Variants in LHPP observed in about 807,000 individuals in gnomAD.
The protein encoded by LHPP is phospholysine phosphohistidine inorganic pyrophosphate phosphatase.
Under a neutral mutation model 30.3 loss-of-function variants are expected in LHPP, and 24 were observed. That is an observed-to-expected ratio of 0.79 (90% CI 0.57 to 1.11). The LOEUF (loss-of-function observed/expected upper bound fraction) is 1.11. LHPP is among the 50% of genes most tolerant of loss of function. The pLI, the probability that LHPP is intolerant of heterozygous loss-of-function variation, is 0.00. For missense variants in LHPP, 356 were observed against 367.2 expected (o/e 0.97, Z 0.25); for synonymous variants, 150 against 157.1 (o/e 0.95, Z 0.34).
At chr10:124,611,638 C>G (rs1205658976) in intron 6 of LHPP, among the ~76,000 whole-genome samples, 1 of 152,080 alleles carries the variant, frequency 6.6e-6, no homozygotes, top group Non-Finnish European at 1.5e-5. Context: ...GGCCCCCGTC[C>G]AGGTCCACAG....
At chr10:124,610,291 G>T (rs1188300302) in intron 6 of LHPP, among the ~76,000 whole-genome samples, 1 of 152,112 alleles carries the variant, frequency 6.6e-6, no homozygotes, top group African/African-American at 2.4e-5. Flanking sequence ...TTCTTGCTGG[G>T]GTTGCTAATG....
At position 124,613,364 on chromosome 10, in the gene LHPP, C is replaced by T. The variant is rs1412538397; in HGVS notation, c.*4C>T. 6.2e-7 allele frequency: 1 copy of T among 1,608,078 alleles called. No homozygotes were observed. The highest frequency in any genetic ancestry group is 2.2e-5 in the East Asian group (1 of 44,832). On this transcript the variant is annotated 3_prime_UTR_variant, in exon 7 of 7. Coordinates refer to ENST00000368842, the MANE Select transcript of LHPP (RefSeq NM_022126.4). ...GCTGCAGCACGCCGACAAGTGATGG[C>T]CTCCTGGGAGAGCCCCGCCTCCTCC...
At chr10:124,607,128 G>A (rs764294931) in intron 6 of LHPP, among the ~76,000 whole-genome samples, 1 of 152,128 alleles carries the variant, frequency 6.6e-6, no homozygotes, top group Non-Finnish European at 1.5e-5. Flanking sequence ...GGCCCCTCCT[G>A]CTTCACCCTC....
At chr10:124,490,395 G>A in intron 3 of LHPP, 2 of 329,918 alleles carry the variant, frequency 6.1e-6, no homozygotes, top group Non-Finnish European at 6.4e-6. Flanking sequence ...ATGTCTCCAG[G>A]CAAACTCCTT....
At chr10:124,558,899 A>G (rs12262706) in intron 6 of LHPP, among the ~76,000 whole-genome samples, 17,103 of 152,246 alleles carry the variant, frequency 0.11, 1,351 homozygotes, top group East Asian at 0.3. Flanking sequence ...ATTTGGAAAA[A>G]ATGTCAAGGC....
intron 6 of LHPP, chr10:124,605,074 G>C (rs1408392470): frequency 6.6e-6 from 1 of 152,526 alleles, no homozygotes; most frequent in African/African-American, 2.4e-5. Context: ...TGGCCTCATG[G>C]GGCTCTTTTG....
Position 124,546,551 on chromosome 10 carries a change from T to C in LHPP, c.716+29280T>C, listed in dbSNP as rs180864161. Reference sequence around the variant, plus strand: ...CCGAGTAGCTGGGACTACAGGTGCCTGCCACCACGCCCGGCTAATTTTTTG... The same window carrying C: ...CCGAGTAGCTGGGACTACAGGTGCCCGCCACCACGCCCGGCTAATTTTTTG... On this transcript the variant is annotated intron_variant, in intron 6 of 6. Transcript: ENST00000368842. Among the ~76,000 whole-genome samples the C allele has an allele frequency of 2.7e-3, 418 of 152,218 alleles. 2 individuals are homozygous for C. The highest frequency in any genetic ancestry group is 3.6e-3 in the Non-Finnish European group (246 of 68,010).
intron 5 of LHPP, among the ~76,000 whole-genome samples, chr10:124,506,163 C>T (rs1427112127): frequency 3.3e-5 from 5 of 151,956 alleles, no homozygotes; most frequent in East Asian, 1.9e-4. Flanking sequence ...GCACGAGATT[C>T]GCTTGAATCT....
At chr10:124,601,550 C>T (rs963562424) in intron 6 of LHPP, among the ~76,000 whole-genome samples, 1 of 152,212 alleles carries the variant, frequency 6.6e-6, no homozygotes, top group African/African-American at 2.4e-5. Flanking sequence ...AGCGTCACCA[C>T]CAGTCCCTCT....
At chr10:124,582,585 T>C (rs1010445475) in intron 6 of LHPP, among the ~76,000 whole-genome samples, 1 of 152,220 alleles carries the variant, frequency 6.6e-6, no homozygotes, top group Admixed American at 6.5e-5. Flanking sequence ...AAAATTTAAC[T>C]ACAGATACCC....
intron 6 of LHPP, among the ~76,000 whole-genome samples, chr10:124,586,826 A>C (rs1263969208): frequency 6.6e-6 from 1 of 152,218 alleles, no homozygotes; most frequent in Non-Finnish European, 1.5e-5. Flanking sequence ...CCCTGGATTA[A>C]GAGTAATTAG....
intron 5 of LHPP, among the ~76,000 whole-genome samples, chr10:124,512,252 G>A (rs1028086235): frequency 6.6e-6 from 1 of 152,172 alleles, no homozygotes; most frequent in Non-Finnish European, 1.5e-5. Context: ...GTTGCAGGTC[G>A]GGGGCCTCTC....
In LHPP at chr10:124,596,133, C is replaced by T. The variant is rs1948939050; in HGVS notation, c.717-17131C>T. Among the ~76,000 whole-genome samples, 4 of 152,138 alleles carry T rather than the reference C, an allele frequency of 2.6e-5. No homozygotes were observed. The highest frequency in any genetic ancestry group is 9.7e-5 in the African/African-American group (4 of 41,428). On this transcript the variant is annotated intron_variant, in intron 6 of 6. Transcript: ENST00000368842. The surrounding 1 kb of genome is among the most constrained non-coding windows in gnomAD (Gnocchi z 4.6). ...GTGATGTTTCATCACGAGGCTGGACCACGATGTGTTTATCATGTCACTGTT... is the reference window on the plus strand; with the variant it reads ...GTGATGTTTCATCACGAGGCTGGACTACGATGTGTTTATCATGTCACTGTT...
intron 6 of LHPP, among the ~76,000 whole-genome samples, chr10:124,522,508 T>C (rs1246639430): frequency 6.6e-6 from 1 of 152,224 alleles, no homozygotes; most frequent in Non-Finnish European, 1.5e-5. Flanking sequence ...ATGGGACAGC[T>C]AGGACCTTGG....
chr10:124,494,646 T>C (rs1384966370), intron 3 of LHPP, among the ~76,000 whole-genome samples: 2 of 152,192 alleles, frequency 1.3e-5, no homozygotes, highest in African/African-American at 4.8e-5. Context: ...GGGTGCTCAG[T>C]GGATTCCAAG....
chr10:124,513,315 C>G (rs1954357743), intron 5 of LHPP, among the ~76,000 whole-genome samples: 1 of 152,074 alleles, frequency 6.6e-6, no homozygotes, highest in Non-Finnish European at 1.5e-5. Flanking sequence ...CTCCCTCGGC[C>G]TCCCACAGTG....
chr10:124,525,919 TG>T (rs1414837261), intron 6 of LHPP, among the ~76,000 whole-genome samples: 1 of 152,026 alleles, frequency 6.6e-6, no homozygotes, highest in Non-Finnish European at 1.5e-5. Flanking sequence ...GGCTGAGGGC[TG>T]GGGGGCTCTG....
rs201360925 is a variant in LHPP, at chr10:124,484,184, G to T, written c.171G>T (p.Ser57=). The T allele has an allele frequency of 2.7e-5, 44 of 1,613,994 alleles. 1 individual carries two copies. The South Asian group carries it at 4.0e-4, about 14-fold the overall frequency. Reference sequence around the variant, plus strand: ...AGGTGAGGTTCTGCACCAACGAGTCGCAGAAGTCCCGGGCAGAGCTGGTGG... The same window carrying T: ...AGGTGAGGTTCTGCACCAACGAGTCTCAGAAGTCCCGGGCAGAGCTGGTGG... ...RLKVRFCTNE[S]QKSRAELVGQ... The change falls in exon 2 of 7, where the codon TCG becomes TCT. Residue 57 remains serine (S), a synonymous_variant. Transcript: ENST00000368842.
intron 5 of LHPP, among the ~76,000 whole-genome samples, chr10:124,506,489 C>T (rs902251119): frequency 5.9e-5 from 9 of 151,572 alleles, no homozygotes; most frequent in African/African-American, 9.7e-5. Flanking sequence ...ATTAAGAGAA[C>T]GGTTACGGAG....
Sources: gnomAD v4.1 joint callset for allele counts (sites outside exome capture counted in the v4.1 genomes callset) on GRCh38, gnomAD v4.1.1 for gene constraint, Gnocchi (gnomAD v3.1) non-coding constraint, MANE v1.5 for transcripts, NCBI Gene and HGNC (gene_info 2026-07-23, HGNC 2026-07-21) for gene names.